Variants in CDH19 observed in about 807,000 individuals in gnomAD.
CDH19 encodes cadherin-19.
A neutral mutation model predicts 64.2 loss-of-function variants in CDH19; 67 were observed. The ratio of observed to expected loss-of-function variants is 1.04; its 90% confidence interval spans 0.86 to 1.28. The LOEUF (loss-of-function observed/expected upper bound fraction) is 1.28, where lower values mean the gene tolerates loss of function less well. CDH19 is among the 50% of genes most tolerant of loss of function. The pLI, the probability that CDH19 is intolerant of heterozygous loss-of-function variation, is 0.00. For missense variants in CDH19, 1,030 were observed against 929.0 expected (o/e 1.11, Z -1.41); for synonymous variants, 346 against 319.3 (o/e 1.08, Z -0.89).
intron 1 of CDH19, among the ~76,000 whole-genome samples, chr18:66,573,706 T>C (rs1179702848): frequency 6.6e-6 from 1 of 151,546 alleles, no homozygotes; most frequent in African/African-American, 2.4e-5. Context: ...GAATATAATT[T>C]TTGGGAACTT....
intron 9 of CDH19, 61 bp from the exon 10 acceptor site, chr18:66,511,746 G>A: frequency 5.1e-6 from 4 of 777,038 alleles, no homozygotes; most frequent in South Asian, 3.0e-5. Context: ...GATCACTGCT[G>A]CTATTATTAT....
chr18:66,563,558 T>C (rs1987799871), intron 3 of CDH19, among the ~76,000 whole-genome samples: 1 of 152,040 alleles, frequency 6.6e-6, no homozygotes, highest in East Asian at 1.9e-4. Flanking sequence ...AGGATTAAGA[T>C]GAATGAGGTG....
In CDH19 at chr18:66,543,984, T is replaced by G; in HGVS notation, c.1201A>C (p.Lys401Gln). The change falls in exon 7 of 12, where the codon AAA becomes CAA. Residue 401 changes from lysine (K) to glutamine (Q), a missense_variant. Transcript: ENST00000262150. ...VVSATDPDNR[K>Q]SPIRYSITRS... ...TTACAGACATACCTGATAGGAGATT[T>G]CCTATTGTCTGGGTCTGTGGCAGAC... 1 of 1,612,166 alleles carries G rather than the reference T, an allele frequency of 6.2e-7. No individual in the cohort carries two copies. The highest frequency in any genetic ancestry group is 8.5e-7 in the Non-Finnish European group (1 of 1,178,854).
At chr18:66,540,989 C>A (rs910907103) in intron 7 of CDH19, among the ~76,000 whole-genome samples, 4 of 152,106 alleles carry the variant, frequency 2.6e-5, no homozygotes, top group African/African-American at 7.2e-5. Context: ...ACAATTCTAT[C>A]ATCTCACTTT....
chr18:66,516,134 C>G (rs1353786547), intron 9 of CDH19, among the ~76,000 whole-genome samples: 5 of 151,876 alleles, frequency 3.3e-5, no homozygotes, highest in Non-Finnish European at 7.4e-5. Context: ...ACATCGTGGA[C>G]ATATTAAAGA....
At chr18:66,591,077 A>G (rs1032351719) in intron 1 of CDH19, among the ~76,000 whole-genome samples, 7 of 151,994 alleles carry the variant, frequency 4.6e-5, no homozygotes, top group Admixed American at 1.3e-4. Flanking sequence ...CCATGATACC[A>G]TAGTTTCATG....
intron 1 of CDH19, among the ~76,000 whole-genome samples, chr18:66,589,672 T>C (rs1037106963): frequency 1.4e-5 from 2 of 147,594 alleles, no homozygotes; most frequent in Non-Finnish European, 3.0e-5. Context: ...ACTATTTTGT[T>C]ATGGAAAAGA....
chr18:66,593,853 T>A (rs1988810555), intron 1 of CDH19, among the ~76,000 whole-genome samples: 2 of 152,056 alleles, frequency 1.3e-5, no homozygotes. Flanking sequence ...AGTTCCACAA[T>A]TCAAAGTAGT....
At chr18:66,537,356 A>G (rs1053458286) in intron 7 of CDH19, among the ~76,000 whole-genome samples, 6 of 151,906 alleles carry the variant, frequency 3.9e-5, no homozygotes, top group African/African-American at 1.4e-4. Context: ...ATGCTTTCTC[A>G]TGATTAGACT....
In CDH19 at chr18:66,524,809, T is replaced by C. The variant is rs962981491; in HGVS notation, c.1458+5036A>G. On this transcript the variant is annotated intron_variant, in intron 9 of 11. Transcript: ENST00000262150. ...TCTCTAAATTGTGTGTCCTTCATGT[T>C]TTATTCTGCCCCAATTTTATTTTTA... 2.0e-5 allele frequency among the ~76,000 whole-genome samples: 3 copies of C among 152,078 alleles called. No homozygotes were observed. The East Asian group carries it at 5.8e-4, about 29-fold the overall frequency.
At chr18:66,596,854 G>A (rs368953725) in intron 1 of CDH19, among the ~76,000 whole-genome samples, 46 of 151,158 alleles carry the variant, frequency 3.0e-4, no homozygotes, top group African/African-American at 9.9e-4. Context: ...AGGCCGAGGC[G>A]GGCGGATCAC....
chr18:66,520,871 T>C (rs8087805), intron 9 of CDH19, among the ~76,000 whole-genome samples: 3,019 of 152,184 alleles, frequency 0.02, 91 homozygotes, highest in African/African-American at 0.068. Context: ...TATGTAATCT[T>C]ATTGCCTTAA....
At chr18:66,591,553 T>C (rs765804667) in intron 1 of CDH19, among the ~76,000 whole-genome samples, 6 of 151,910 alleles carry the variant, frequency 3.9e-5, no homozygotes, top group Non-Finnish European at 7.4e-5. Flanking sequence ...TAGACAACAG[T>C]ACAAATCTAT....
chr18:66,603,508 AT>A (rs34031594), intron 1 of CDH19, among the ~76,000 whole-genome samples: 50,843 of 151,270 alleles, frequency 0.34, 9,971 homozygotes, highest in Non-Finnish European at 0.45. Flanking sequence ...TTCTGTATAT[AT>A]TTTTTCTCAT....
intron 1 of CDH19, among the ~76,000 whole-genome samples, chr18:66,583,507 G>T (rs900231795): frequency 6.6e-6 from 1 of 151,958 alleles, no homozygotes; most frequent in East Asian, 1.9e-4. Context: ...TCTGCCCTCA[G>T]GTAGGGCCCA....
chr18:66,508,208 A>G (rs1378785813), intron 11 of CDH19, among the ~76,000 whole-genome samples: 1 of 151,968 alleles, frequency 6.6e-6, no homozygotes, highest in Non-Finnish European at 1.5e-5. Flanking sequence ...AGTAACTCAC[A>G]TAAGTAGAGA....
chr18:66,572,000 A>T lies in CDH19; in HGVS notation c.195+10T>A. The T allele has an allele frequency of 6.3e-7, 1 of 1,586,134 alleles. No individual in the cohort carries two copies. The highest frequency in any genetic ancestry group is 1.1e-5 in the South Asian group (1 of 89,310). On this transcript the variant is annotated intron_variant, in intron 2 of 11. Coordinates refer to ENST00000262150, the MANE Select transcript of CDH19 (RefSeq NM_021153.4). Reference sequence around the variant, plus strand: ...TGCTATTTACTGTAACATTTTAAATAAATAAGTACCTGGCCGATGTGATGA... The same window carrying T: ...TGCTATTTACTGTAACATTTTAAATTAATAAGTACCTGGCCGATGTGATGA...
chr18:66,585,041 G>A (rs1988535746), intron 1 of CDH19, among the ~76,000 whole-genome samples: 1 of 151,890 alleles, frequency 6.6e-6, no homozygotes, highest in African/African-American at 2.4e-5. Flanking sequence ...CATAAAATTG[G>A]TCTCACAGTT....
chr18:66,536,536 G>A (rs1435360235), intron 7 of CDH19, among the ~76,000 whole-genome samples: 2 of 151,682 alleles, frequency 1.3e-5, no homozygotes, highest in African/African-American at 2.4e-5. Flanking sequence ...CCCATTTAAA[G>A]TTTGACAGGA....
Sources: allele counts gnomAD v4.1 joint callset (sites outside exome capture counted in the v4.1 genomes callset), GRCh38; gene constraint gnomAD v4.1.1; transcripts MANE v1.5; gene names NCBI Gene and HGNC (gene_info 2026-07-23, HGNC 2026-07-21).